TOM1L2: variants seen among roughly 807,000 people sequenced by gnomAD.
TOM1L2 encodes the protein target of myb1 like 2 membrane trafficking protein.
A neutral mutation model predicts 67.9 loss-of-function variants in TOM1L2; 31 were observed. The ratio of observed to expected loss-of-function variants is 0.46; its 90% CI spans 0.34 to 0.62. The LOEUF (loss-of-function observed/expected upper bound fraction) is 0.62, where lower values mean the gene tolerates loss of function less well. Ranked by LOEUF, TOM1L2 falls within the 20% of genes least tolerant of loss-of-function variation. TOM1L2 has a pLI of 0.01. For synonymous variants in TOM1L2, 256 were observed against 254.0 expected (o/e 1.01, Z -0.07); for missense variants, 606 against 663.5 (o/e 0.91, Z 0.95).
intron 1 of TOM1L2, among the ~76,000 whole-genome samples, chr17:17,919,775 G>T (rs1026833642): frequency 6.6e-6 from 1 of 152,180 alleles, no homozygotes; most frequent in African/African-American, 2.4e-5. Flanking sequence ...AAAAAATGGA[G>T]AAACAGAAGA....
chr17:17,951,835 A>G (rs558670153), intron 1 of TOM1L2, among the ~76,000 whole-genome samples: 5 of 152,336 alleles, frequency 3.3e-5, no homozygotes, highest in African/African-American at 7.2e-5. Context: ...ACCAACAACC[A>G]AATGCCTTTT....
intron 1 of TOM1L2, among the ~76,000 whole-genome samples, chr17:17,952,696 ATATTT>A (rs1004662801): frequency 6.6e-6 from 1 of 152,050 alleles, no homozygotes; most frequent in African/African-American, 2.4e-5. Context: ...CACCCAGCCT[ATATTT>A]TATAATTTTT....
intron 6 of TOM1L2, among the ~76,000 whole-genome samples, chr17:17,882,414 G>A (rs1343582697): frequency 1.3e-5 from 2 of 152,192 alleles, no homozygotes; most frequent in Non-Finnish European, 2.9e-5. Flanking sequence ...ACCTGACAAA[G>A]CCCAACTCCT....
chr17:17,896,086 T>A (rs2038554044), intron 3 of TOM1L2, among the ~76,000 whole-genome samples: 1 of 152,120 alleles, frequency 6.6e-6, no homozygotes, highest in South Asian at 2.1e-4. Context: ...TCTGAGTCTC[T>A]GCTTGTGCCT....
At chr17:17,895,704 T>A (rs2038534452) in intron 3 of TOM1L2, among the ~76,000 whole-genome samples, 2 of 152,210 alleles carry the variant, frequency 1.3e-5, no homozygotes, top group African/African-American at 4.8e-5. Context: ...CACAGGGCCA[T>A]CCCTCCCTCA....
chr17:17,969,270 T>C (rs542206351), intron 1 of TOM1L2, among the ~76,000 whole-genome samples: 4 of 152,228 alleles, frequency 2.6e-5, no homozygotes, highest in Middle Eastern at 3.4e-3. Context: ...TTGGTCAGGC[T>C]GGCCTCCAAC....
intron 7 of TOM1L2, among the ~76,000 whole-genome samples, chr17:17,874,651 A>G (rs1254193763): frequency 6.6e-6 from 1 of 152,194 alleles, no homozygotes; most frequent in African/African-American, 2.4e-5. Context: ...TGGAGGAAGA[A>G]TGAGCCCCAA....
chr17:17,886,424 G>A (rs2038002385), intron 4 of TOM1L2, among the ~76,000 whole-genome samples: 1 of 152,270 alleles, frequency 6.6e-6, no homozygotes, highest in Non-Finnish European at 1.5e-5. Context: ...AGGCCCAGCT[G>A]GAGGAGAGTA....
intron 10 of TOM1L2, among the ~76,000 whole-genome samples, chr17:17,865,703 A>G (rs573018359): frequency 1.3e-5 from 2 of 149,638 alleles, no homozygotes; most frequent in Admixed American, 1.3e-4. Flanking sequence ...TACTTCAATC[A>G]TAGGGAATGT....
intron 1 of TOM1L2, among the ~76,000 whole-genome samples, chr17:17,957,989 C>G (rs1330663658): frequency 1.3e-5 from 2 of 151,740 alleles, no homozygotes; most frequent in Non-Finnish European, 2.9e-5. Context: ...ATTCAGCAGG[C>G]TGAGGCAGGA....
chr17:17,916,748 C>T (rs369926682), intron 1 of TOM1L2, among the ~76,000 whole-genome samples: 19 of 152,234 alleles, frequency 1.2e-4, no homozygotes, highest in South Asian at 4.1e-4. Flanking sequence ...TAGGGCCAGG[C>T]GCAGTGGCTC....
chr17:17,912,360 C>T (rs1272570585), intron 1 of TOM1L2, among the ~76,000 whole-genome samples: 1 of 151,576 alleles, frequency 6.6e-6, no homozygotes, highest in African/African-American at 2.4e-5. Flanking sequence ...GGGGTGGCTG[C>T]CGGGCGGAGA....
chr17:17,860,871 C>T (rs1323602909), intron 12 of TOM1L2, among the ~76,000 whole-genome samples: 1 of 152,164 alleles, frequency 6.6e-6, no homozygotes, highest in East Asian at 1.9e-4. Context: ...TTCACTGTGC[C>T]GCACCCCCTC....
intron 10 of TOM1L2, 80 bp from the exon 11 acceptor site, chr17:17,862,928 C>T (rs527316065): frequency 1.0e-4 from 104 of 991,214 alleles, no homozygotes; most frequent in Non-Finnish European, 1.5e-4. Flanking sequence ...CAAGCTAGGA[C>T]GCCAGCCAGG....
chr17:17,881,918 C>A (rs189027382), intron 6 of TOM1L2, among the ~76,000 whole-genome samples: 2 of 152,192 alleles, frequency 1.3e-5, no homozygotes, highest in African/African-American at 2.4e-5. Flanking sequence ...ATGACATTGT[C>A]GCAAATAGTA....
chr17:17,898,753 A>G, intron 2 of TOM1L2, 79 bp from the exon 3 acceptor site: 1 of 1,410,712 alleles, frequency 7.1e-7, no homozygotes, highest in East Asian at 2.3e-5. Context: ...GAACTAGTAT[A>G]TATGCAAGAC....
At position 17,882,768 on chromosome 17, in the gene TOM1L2, G is replaced by A. The variant is rs377101456; in HGVS notation, c.597C>T (p.Pro199=). The change falls in exon 6 of 15, where the codon CCC becomes CCT. Residue 199 remains proline, a synonymous_variant. Coordinates refer to ENST00000379504, the MANE Select transcript of TOM1L2 (RefSeq NM_001082968.2). ...AGSYSSPPPA[P]YSAPQAPALS... ...GAGCTGGGGCCTGCGGTGCGGAGTA[G>A]GGAGCAGGAGGCGGCGAGGAATAGG... The A allele has an allele frequency of 9.9e-6, 16 of 1,614,116 alleles. No individual in the cohort carries two copies. The African/African-American group carries it at 1.2e-4, about 12-fold the overall frequency.
intron 5 of TOM1L2, among the ~76,000 whole-genome samples, chr17:17,883,569 C>T (rs946990672): frequency 5.3e-5 from 8 of 152,142 alleles, no homozygotes; most frequent in Non-Finnish European, 1.0e-4. Context: ...CCTGTCTCTA[C>T]TAAAAATACA....
chr17:17,882,079 A>G (rs1054940559), intron 6 of TOM1L2, among the ~76,000 whole-genome samples: 1 of 152,184 alleles, frequency 6.6e-6, no homozygotes, highest in Non-Finnish European at 1.5e-5. Context: ...TTAAAACTGC[A>G]TTAGTTTATC....
Sources: gnomAD v4.1 joint callset for allele counts (sites outside exome capture counted in the v4.1 genomes callset) on GRCh38, gnomAD v4.1.1 for gene constraint, MANE v1.5 for transcripts, NCBI Gene and HGNC (gene_info 2026-07-23, HGNC 2026-07-21) for gene names.